Variants in SRGAP1 observed in about 807,000 individuals in gnomAD.
SRGAP1 encodes the protein SLIT-ROBO Rho GTPase-activating protein 1.
SRGAP1 carries 43 observed loss-of-function variants against 121.9 expected under a neutral mutation model. The observed-to-expected ratio is 0.35, with a 90% CI of 0.28 to 0.46. The LOEUF (loss-of-function observed/expected upper bound fraction) is 0.46, where lower values mean the gene tolerates loss of function less well. SRGAP1 is among the 20% of genes least tolerant of loss of function. The pLI, the probability that SRGAP1 is intolerant of heterozygous loss-of-function variation, is 1.00. For missense variants in SRGAP1, 1,102 were observed against 1,350.9 expected (o/e 0.82, Z 2.89); for synonymous variants, 447 against 485.4 (o/e 0.92, Z 1.04).
chr12:63,927,979 C>CT (rs2031323114), intron 1 of SRGAP1, among the ~76,000 whole-genome samples: 1 of 152,242 alleles, frequency 6.6e-6, no homozygotes, highest in South Asian at 2.1e-4. Context: ...ACATACAGTG[C>CT]TTTTTGCCCC....
At chr12:63,962,839 G>A (rs1164283689) in intron 1 of SRGAP1, among the ~76,000 whole-genome samples, 1 of 152,190 alleles carries the variant, frequency 6.6e-6, no homozygotes, top group East Asian at 1.9e-4. Context: ...AGTTGAATGT[G>A]CTGTCGGGGT....
chr12:63,921,051 G>A (rs577997769), intron 1 of SRGAP1, among the ~76,000 whole-genome samples: 2 of 152,254 alleles, frequency 1.3e-5, no homozygotes, highest in African/African-American at 4.8e-5. Context: ...ATCTCAGTGA[G>A]TGGTGGCCCA....
chr12:63,949,221 T>A (rs2032197759), intron 1 of SRGAP1, among the ~76,000 whole-genome samples: 1 of 145,362 alleles, frequency 6.9e-6, no homozygotes, highest in Non-Finnish European at 1.5e-5. Flanking sequence ...TTTTTCCATA[T>A]ATATATATAC....
intron 1 of SRGAP1, among the ~76,000 whole-genome samples, chr12:63,919,104 G>C (rs1220057487): frequency 6.6e-6 from 1 of 152,140 alleles, no homozygotes; most frequent in Non-Finnish European, 1.5e-5. Flanking sequence ...GCAGGCTGGA[G>C]TGCAGTGGTG....
At chr12:64,087,175 G>T in intron 11 of SRGAP1, 149 bp downstream of exon 11, 3 of 576,446 alleles carry the variant, frequency 5.2e-6, no homozygotes, top group Non-Finnish European at 8.8e-6. Flanking sequence ...GAAATGTTTG[G>T]GCTTCTTACA....
At chr12:63,969,743 GA>G (rs2032890060) in intron 1 of SRGAP1, among the ~76,000 whole-genome samples, 1 of 151,636 alleles carries the variant, frequency 6.6e-6, no homozygotes, top group South Asian at 2.1e-4. Flanking sequence ...GCAGTGAACC[GA>G]GATTGTGCCA....
chr12:64,099,080 G>A (rs2036214996), intron 15 of SRGAP1, among the ~76,000 whole-genome samples: 1 of 152,174 alleles, frequency 6.6e-6, no homozygotes, highest in Non-Finnish European at 1.5e-5. Context: ...TAGAAAATGA[G>A]TTTAGGCAGT....
At chr12:63,932,055 T>C (rs903712543) in intron 1 of SRGAP1, among the ~76,000 whole-genome samples, 1 of 152,144 alleles carries the variant, frequency 6.6e-6, no homozygotes, top group African/African-American at 2.4e-5. Context: ...AGACAGGGAC[T>C]AGCAAATGTT....
intron 2 of SRGAP1, among the ~76,000 whole-genome samples, chr12:63,988,879 C>T (rs899765814): frequency 1.3e-5 from 2 of 152,142 alleles, no homozygotes; most frequent in African/African-American, 2.4e-5. Flanking sequence ...GGCACAATCT[C>T]GGCTCGCTGC....
At chr12:63,996,908 A>G (rs1207044210) in intron 3 of SRGAP1, among the ~76,000 whole-genome samples, 1 of 152,124 alleles carries the variant, frequency 6.6e-6, no homozygotes, top group East Asian at 1.9e-4. Flanking sequence ...ATTTTCTGAA[A>G]TATTTTAGAA....
intron 1 of SRGAP1, among the ~76,000 whole-genome samples, chr12:63,857,642 C>T (rs1899301581): frequency 6.6e-6 from 1 of 152,166 alleles, no homozygotes; most frequent in Non-Finnish European, 1.5e-5. Flanking sequence ...CCTTGGCCTC[C>T]CAAAGTGCTG....
Position 64,153,857 on chromosome 12 carries a change from C to T in SRGAP1, c.*11185C>T, listed in dbSNP as rs2037143139. The T allele has an allele frequency of 6.6e-6, 1 of 152,322 alleles. No individual in the cohort carries two copies. Among genetic ancestry groups the T allele is most frequent in the African/African-American group, 2.4e-5 (1 of 41,574 alleles). The allele number at this position is 152,322 out of a possible 1,614,324, so 9.4% of individuals were successfully genotyped here. On this transcript the variant is annotated 3_prime_UTR_variant, in exon 22 of 22. Transcript: ENST00000355086. ...GAAGAGATATTTGCACACTCATGTT[C>T]ACGCAGCTTAATTCACAATAGCCAC...
intron 4 of SRGAP1, chr12:64,032,761 CCTGT>C (rs2034810026): frequency 4.6e-6 from 1 of 215,706 alleles, no homozygotes; most frequent in Non-Finnish European, 9.2e-6. Context: ...ATTTCTTTAG[CCTGT>C]CTGTGAATTT....
chr12:63,888,190 C>G (rs1332211893), intron 1 of SRGAP1: 1 of 152,284 alleles, frequency 6.6e-6, no homozygotes, highest in African/African-American at 2.4e-5. Flanking sequence ...CAGTTACCAA[C>G]TGTGTTCTCT....
At chr12:64,054,163 TC>T (rs1331133211) in intron 6 of SRGAP1, among the ~76,000 whole-genome samples, 5 of 152,184 alleles carry the variant, frequency 3.3e-5, no homozygotes, top group African/African-American at 1.2e-4. Context: ...CTCCAGTTTC[TC>T]CCTATAAACA....
chr12:63,911,314 A>G (rs1278543032), intron 1 of SRGAP1, among the ~76,000 whole-genome samples: 9 of 151,796 alleles, frequency 5.9e-5, no homozygotes, highest in East Asian at 3.9e-4. Flanking sequence ...AAAAAAAAAA[A>G]AAAGAAAAGA....
At chr12:63,867,426 T>C (rs751359590) in intron 1 of SRGAP1, among the ~76,000 whole-genome samples, 13 of 152,214 alleles carry the variant, frequency 8.5e-5, no homozygotes, top group African/African-American at 1.2e-4. Context: ...CATTTACCAA[T>C]AGCCACCTCT....
chr12:63,930,612 T>A (rs1245327553), intron 1 of SRGAP1, among the ~76,000 whole-genome samples: 2 of 152,166 alleles, frequency 1.3e-5, no homozygotes, highest in East Asian at 3.9e-4. Context: ...CATAAGTATC[T>A]TTGATGATTA....
At chr12:63,896,379 G>A (rs184013413) in intron 1 of SRGAP1, among the ~76,000 whole-genome samples, 28 of 152,242 alleles carry the variant, frequency 1.8e-4, no homozygotes, top group Admixed American at 1.2e-3. Context: ...TTACTAGAGG[G>A]ACACTTTCTT....
Sources: allele counts gnomAD v4.1 joint callset (sites outside exome capture counted in the v4.1 genomes callset), GRCh38; gene constraint gnomAD v4.1.1; transcripts MANE v1.5; gene names NCBI Gene and HGNC (gene_info 2026-07-23, HGNC 2026-07-21).